DISC1: variants seen among roughly 807,000 people sequenced by gnomAD.
DISC1 encodes disrupted in schizophrenia 1 protein.
Under a neutral mutation model 84.5 loss-of-function variants are expected in DISC1, and 57 were observed. The observed-to-expected ratio is 0.67, with a 90% CI of 0.55 to 0.84. The LOEUF is 0.84. Among genes scored for constraint, DISC1 ranks in the 40% least tolerant of loss-of-function variants. The pLI, the probability that DISC1 is intolerant of heterozygous loss-of-function variation, is 0.00. For synonymous variants in DISC1, 411 were observed against 415.2 expected (o/e 0.99, Z 0.12); for missense variants, 1,000 against 1,057.8 (o/e 0.95, Z 0.76).
chr1:231,982,142 A>AT (rs1290579140), intron 10 of DISC1, among the ~76,000 whole-genome samples: 3 of 152,186 alleles, frequency 2.0e-5, no homozygotes, highest in African/African-American at 4.8e-5. Context: ...AGTAAGGCCA[A>AT]TTTTTTCTTT....
intron 6 of DISC1, among the ~76,000 whole-genome samples, chr1:231,788,754 T>C (rs2078082945): frequency 6.6e-6 from 1 of 152,120 alleles, no homozygotes; most frequent in African/African-American, 2.4e-5. Context: ...ACCCCAGCCA[T>C]ACAGTCAAGA....
intron 9 of DISC1, among the ~76,000 whole-genome samples, chr1:231,932,630 C>G (rs2090735210): frequency 1.3e-5 from 2 of 152,158 alleles, no homozygotes; most frequent in Admixed American, 6.6e-5. Context: ...CCAGGGGTGC[C>G]ATTCACATTC....
intron 1 of DISC1, among the ~76,000 whole-genome samples, chr1:231,653,717 C>T (rs1049095266): frequency 6.6e-6 from 1 of 152,180 alleles, no homozygotes; most frequent in Admixed American, 6.5e-5. Flanking sequence ...ACCCTAAGTC[C>T]CATCCAGCCC....
chr1:231,702,687 G>A (rs916712514), intron 3 of DISC1: 1 of 825,082 alleles, frequency 1.2e-6, no homozygotes, highest in Non-Finnish European at 1.5e-6. Context: ...CACCAAAATA[G>A]AAGTTGGGCT....
At chr1:231,678,333 A>C (rs1197385235) in intron 1 of DISC1, among the ~76,000 whole-genome samples, 5 of 151,994 alleles carry the variant, frequency 3.3e-5, no homozygotes, top group Non-Finnish European at 5.9e-5. Context: ...AGCAGCAGGA[A>C]CTCTTCTGTC....
At chr1:231,959,077 A>G (rs1660027660) in intron 10 of DISC1, 189 bp downstream of exon 10, 1 of 1,370,026 alleles carries the variant, frequency 7.3e-7, no homozygotes, top group Admixed American at 3.5e-5. Flanking sequence ...GTCTTTTAAA[A>G]AGTAAGTAGA....
chr1:232,034,897 T>TA (rs11376890), intron 12 of DISC1, among the ~76,000 whole-genome samples: 43,366 of 146,080 alleles, frequency 0.3, 6,571 homozygotes, highest in African/African-American at 0.38. Context: ...CAAAGCCTCT[T>TA]AAAAAAAAAA....
chr1:231,791,832 C>T (rs1290842687), intron 6 of DISC1, among the ~76,000 whole-genome samples: 7 of 152,192 alleles, frequency 4.6e-5, no homozygotes, highest in Admixed American at 4.6e-4. Flanking sequence ...AGTCCTGCTC[C>T]TGGAATTACG....
intron 9 of DISC1, among the ~76,000 whole-genome samples, chr1:231,848,907 T>C (rs917891011): frequency 1.3e-5 from 2 of 152,268 alleles, no homozygotes; most frequent in Admixed American, 6.5e-5. Flanking sequence ...GTCTTGCACA[T>C]AGAGGCCTTA....
rs3081 is a variant in DISC1, at chr1:231,866,586, C to G, written c.1981+48069C>G. The G allele has an allele frequency of 0.051, 69,240 of 1,370,204 alleles. 1,995 individuals are homozygous for G. Among genetic ancestry groups the G allele is most frequent in the Middle Eastern group, 0.073 (408 of 5,606 alleles). 84.9% of individuals were successfully genotyped at this position (1,370,204 alleles called of 1,614,324 possible). On this transcript the variant is annotated intron_variant, in intron 9 of 12. Coordinates refer to ENST00000439617, the MANE Select transcript of DISC1 (RefSeq NM_018662.3). The stretch of plus-strand genomic sequence containing the variant: ...AGTCAGCAACTTGCCTGAGGACAGC[C>G]TGCAGGACACAGCACTGTGATTTGA...
chr1:231,894,036 A>G (rs1422300569), intron 9 of DISC1, among the ~76,000 whole-genome samples: 1 of 152,172 alleles, frequency 6.6e-6, no homozygotes, highest in Non-Finnish European at 1.5e-5. Context: ...CGTAGTTTTG[A>G]GTATGGAAGT....
chr1:231,673,924 A>G (rs1018207631), intron 1 of DISC1, among the ~76,000 whole-genome samples: 1 of 152,240 alleles, frequency 6.6e-6, no homozygotes, highest in Non-Finnish European at 1.5e-5. Context: ...CCTATGCTCT[A>G]AGACATGTGC....
intron 9 of DISC1, among the ~76,000 whole-genome samples, chr1:231,905,290 C>T (rs1262949666): frequency 6.6e-6 from 1 of 152,154 alleles, no homozygotes; most frequent in Admixed American, 6.5e-5. Flanking sequence ...AATAACTGGC[C>T]TATGGTCTTC....
chr1:231,702,403 G>C (rs746661364), intron 3 of DISC1: 53 of 1,001,650 alleles, frequency 5.3e-5, no homozygotes, highest in Middle Eastern at 5.0e-4. Flanking sequence ...AGGAAAGTAA[G>C]ACAGACATGG....
intron 9 of DISC1, among the ~76,000 whole-genome samples, chr1:231,872,408 T>C (rs975702046): frequency 3.9e-5 from 6 of 152,226 alleles, no homozygotes; most frequent in Admixed American, 3.9e-4. Context: ...TCCTGAAAGT[T>C]TGACCCTGAT....
intron 3 of DISC1, among the ~76,000 whole-genome samples, chr1:231,719,870 GACAA>G (rs1472091313): frequency 4.6e-5 from 7 of 152,152 alleles, no homozygotes; most frequent in East Asian, 1.9e-4. Flanking sequence ...TGTCACAGTA[GACAA>G]ACAAAGTTAT....
At chr1:231,751,059 G>T (rs1448767966) in intron 4 of DISC1, among the ~76,000 whole-genome samples, 1 of 152,210 alleles carries the variant, frequency 6.6e-6, no homozygotes, top group East Asian at 1.9e-4. Flanking sequence ...CCTGGTAGGT[G>T]CTTCCTTATA....
intron 9 of DISC1, among the ~76,000 whole-genome samples, chr1:231,823,252 G>C (rs1379166505): frequency 6.6e-6 from 1 of 152,014 alleles, no homozygotes; most frequent in Non-Finnish European, 1.5e-5. Flanking sequence ...TGAAAAAGTA[G>C]AACAAAAGAA....
intron 9 of DISC1, among the ~76,000 whole-genome samples, chr1:231,830,065 T>C (rs989319727): frequency 6.6e-6 from 1 of 152,188 alleles, no homozygotes; most frequent in South Asian, 2.1e-4. Context: ...ATAGTTTAGC[T>C]TGGGCTCAGA....
Sources: gnomAD v4.1 joint callset for allele counts (sites outside exome capture counted in the v4.1 genomes callset) on GRCh38, gnomAD v4.1.1 for gene constraint, MANE v1.5 for transcripts, NCBI Gene and HGNC (gene_info 2026-07-23, HGNC 2026-07-21) for gene names.